Variants in HEXB observed in about 807,000 individuals in gnomAD.
The protein encoded by HEXB is hexosaminidase subunit beta, also known as beta-hexosaminidase subunit beta.
HEXB carries 51 observed loss-of-function variants against 71.2 expected under a neutral mutation model. That is an observed-to-expected ratio of 0.72 (90% confidence interval 0.57 to 0.90). The LOEUF is 0.90. Among genes scored for constraint, HEXB ranks in the 40% least tolerant of loss-of-function variants. The pLI, the probability that HEXB is intolerant of heterozygous loss-of-function variation, is 0.00. For missense variants in HEXB, 617 were observed against 677.0 expected (o/e 0.91, Z 0.98); for synonymous variants, 266 against 249.3 (o/e 1.07, Z -0.63).
At chr5:74,703,913 A>G (rs1405376722) in intron 5 of HEXB, among the ~76,000 whole-genome samples, 1 of 152,170 alleles carries the variant, frequency 6.6e-6, no homozygotes, top group African/African-American at 2.4e-5. Context: ...TCCTGGGCCC[A>G]AGTGATCTTC....
intron 10 of HEXB, 95 bp from the exon 11 acceptor site, chr5:74,718,702 A>G (rs911391051): frequency 8.0e-7 from 1 of 1,255,114 alleles, no homozygotes; most frequent in Admixed American, 1.8e-5. Flanking sequence ...TAAGGATCTT[A>G]GAAAATTATG....
upstream of HEXB, among the ~76,000 whole-genome samples, chr5:74,681,812 A>C (rs1459768984): frequency 6.6e-6 from 1 of 152,172 alleles, no homozygotes; most frequent in East Asian, 1.9e-4. Context: ...ATTTCCTTGC[A>C]TCTGAGATCC....
chr5:74,646,858 C>T (rs1015919372), intron 1 of HEXB, among the ~76,000 whole-genome samples: 2 of 152,182 alleles, frequency 1.3e-5, no homozygotes, highest in African/African-American at 2.4e-5. Context: ...TGAGCCACCA[C>T]GCCCGGCAAC....
In HEXB at chr5:74,695,074, A is replaced by G. The variant is rs1387429744; in HGVS notation, c.511+1370A>G. 3.9e-5 allele frequency among the ~76,000 whole-genome samples: 6 copies of G among 152,102 alleles called. No homozygotes were observed. The East Asian group carries it at 1.2e-3, about 29-fold the overall frequency. On this transcript the variant is annotated intron_variant, in intron 3 of 13. Coordinates refer to ENST00000261416, the MANE Select transcript of HEXB (RefSeq NM_000521.4). ...ACCATAAGATTATAATTTTATTCAA[A>G]ATAGAATATGAAAATATCTAGATAT...
intron 1 of HEXB, among the ~76,000 whole-genome samples, chr5:74,644,081 G>T (rs537449780): frequency 2.0e-5 from 3 of 152,168 alleles, no homozygotes; most frequent in African/African-American, 7.2e-5. Flanking sequence ...GGAAGTGGAC[G>T]CCCAGTCAGG....
Position 74,721,112 on chromosome 5 carries a change from C to A in HEXB, c.1614-6C>A. 1 of 1,602,744 alleles carries A rather than the reference C, an allele frequency of 6.2e-7. No homozygotes were observed. The highest frequency in any genetic ancestry group is 8.5e-7 in the Non-Finnish European group (1 of 1,169,886). On this transcript the variant is annotated splice_polypyrimidine_tract_variant and splice_region_variant and intron_variant, in intron 13 of 13. Coordinates refer to ENST00000261416, the MANE Select transcript of HEXB (RefSeq NM_000521.4). ...TCTAAAATATCTTTATTCATGTTAT[C>A]TACAGACGTGGAATAGCTGCACAAC...
chr5:74,686,223 C>T (rs1025245777), intron 1 of HEXB, among the ~76,000 whole-genome samples: 2 of 152,146 alleles, frequency 1.3e-5, no homozygotes, highest in Non-Finnish European at 1.5e-5. Context: ...CCCTAGATAG[C>T]GCCTCTGTCT....
At chr5:74,701,558 A>G (rs895523738) in intron 5 of HEXB, among the ~76,000 whole-genome samples, 1 of 152,052 alleles carries the variant, frequency 6.6e-6, no homozygotes, top group Non-Finnish European at 1.5e-5. Flanking sequence ...AATCTTTACT[A>G]CTTTATCTTC....
intron 1 of HEXB, among the ~76,000 whole-genome samples, chr5:74,660,077 A>C (rs879420611): frequency 5.3e-5 from 8 of 152,064 alleles, no homozygotes; most frequent in Non-Finnish European, 1.0e-4. Context: ...TGTAAAAAAA[A>C]TAAATGAATA....
At position 74,641,414 on chromosome 5, in the gene HEXB, G is replaced by C. The variant is rs964666304; in HGVS notation, c.-377+856G>C. 1 of 152,262 alleles carries C rather than the reference G, an allele frequency of 6.6e-6. No homozygotes were observed. Among genetic ancestry groups the C allele is most frequent in the Non-Finnish European group, 1.5e-5 (1 of 68,060 alleles). The allele number at this position is 152,262 out of a possible 1,614,324, so 9.4% of individuals were successfully genotyped here. A position where few individuals can be genotyped will look rare whatever the true frequency, so the allele number is the denominator to read the frequency against. ...ACTCCCCAGTGGGTGCGGCACCCCC[G>C]GCTGGACTCTGCCCTAAGCCAGGCG... is the stretch of plus-strand genomic sequence containing the variant. On this transcript the variant is annotated intron_variant, in intron 1 of 13. Transcript: ENST00000511181. The surrounding 1 kb of genome is among the most constrained non-coding windows in gnomAD (Gnocchi z 4.1).
chr5:74,667,719 G>C (rs1748459372), intron 1 of HEXB, among the ~76,000 whole-genome samples: 1 of 152,156 alleles, frequency 6.6e-6, no homozygotes, highest in Admixed American at 6.5e-5. Flanking sequence ...GTCAGCCACA[G>C]ATTTCAACTT....
Position 74,718,886 on chromosome 5 carries a change from C to T in HEXB, c.1332C>T (p.Ile444=), listed in dbSNP as rs762367349. ...TCACAGCATCTGGCTTCCCTGTAATCCTTTCTGCTCCTTGGTACTTAGATT... is the reference window on the plus strand; with the variant it reads ...TCACAGCATCTGGCTTCCCTGTAATTCTTTCTGCTCCTTGGTACTTAGATT... ...SRVTASGFPV[I]LSAPWYLDLI... is the part of the protein sequence containing the mutation. Residue 444 remains isoleucine, a synonymous_variant, in exon 11 of 14, where the codon ATC becomes ATT. Coordinates refer to ENST00000261416, the MANE Select transcript of HEXB (RefSeq NM_000521.4). The T allele has an allele frequency of 1.9e-6, 3 of 1,613,922 alleles. No homozygotes were observed. Among genetic ancestry groups the T allele is most frequent in the Non-Finnish European group, 2.5e-6 (3 of 1,179,838 alleles).
At chr5:74,661,386 T>C in intron 1 of HEXB, among the ~76,000 whole-genome samples, 1 of 152,302 alleles carries the variant, frequency 6.6e-6, no homozygotes, top group East Asian at 1.9e-4. Context: ...TTCAGAAATC[T>C]TTACTCCTTT....
chr5:74,670,371 C>A (rs1357586025), intron 1 of HEXB, among the ~76,000 whole-genome samples: 1 of 152,120 alleles, frequency 6.6e-6, no homozygotes, highest in Non-Finnish European at 1.5e-5. Flanking sequence ...CGTCCCCTCT[C>A]TGCTGAGAGC....
At chr5:74,703,521 A>T (rs1749310151) in intron 5 of HEXB, among the ~76,000 whole-genome samples, 1 of 152,060 alleles carries the variant, frequency 6.6e-6, no homozygotes, top group African/African-American at 2.4e-5. Flanking sequence ...TTGCTTGTAG[A>T]CCCTCTGAGC....
At chr5:74,648,637 G>A (rs1271805264) in intron 1 of HEXB, among the ~76,000 whole-genome samples, 1 of 152,174 alleles carries the variant, frequency 6.6e-6, no homozygotes, top group African/African-American at 2.4e-5. Context: ...TGTTGAAAGT[G>A]AACAGGAACA....
chr5:74,690,969 C>T lies in HEXB; in HGVS notation c.445+1496C>T, dbSNP rs144781885. On this transcript the variant is annotated intron_variant, in intron 2 of 13. Coordinates refer to ENST00000261416, the MANE Select transcript of HEXB (RefSeq NM_000521.4). ...CAACCTGAATTGAGATGGAAATGGTCATTACGTTGCCAAGGAATCTTTGCT... is the reference window on the plus strand; with the variant it reads ...CAACCTGAATTGAGATGGAAATGGTTATTACGTTGCCAAGGAATCTTTGCT... Among the ~76,000 whole-genome samples the T allele has an allele frequency of 2.6e-5, 4 of 152,282 alleles. No individual in the cohort carries two copies. In the East Asian group the frequency reaches 5.8e-4, roughly 22 times the overall value.
chr5:74,718,752 T>C lies in HEXB; in HGVS notation c.1243-45T>C, dbSNP rs746004044. On this transcript the variant is annotated intron_variant, in intron 10 of 13. Transcript: ENST00000261416. ...GCCTTAAACTTTCAATTTCATCTAC[T>C]GTTCTAGGCCTAATAATATGTATTG... 4 of 1,559,292 alleles carry C rather than the reference T, an allele frequency of 2.6e-6. No individual in the cohort carries two copies. The South Asian group carries it at 3.3e-5, about 13-fold the overall frequency.
chr5:74,699,881 G>T (rs1331687814), intron 5 of HEXB, among the ~76,000 whole-genome samples: 1 of 151,190 alleles, frequency 6.6e-6, no homozygotes, highest in Non-Finnish European at 1.5e-5. Context: ...GTTTGTTGCT[G>T]ATCTAATGAT....
Sources: gnomAD v4.1 joint callset for allele counts (sites outside exome capture counted in the v4.1 genomes callset) on GRCh38, gnomAD v4.1.1 for gene constraint, Gnocchi (gnomAD v3.1) non-coding constraint, MANE v1.5 for transcripts, NCBI Gene and HGNC (gene_info 2026-07-23, HGNC 2026-07-21) for gene names.